The following AKAP19 variants were observed in gnomAD, a reference collection of about 807,000 sequenced individuals.
AKAP19 encodes the protein small A-kinase anchoring protein.
At chr2:189,953,827 A>G in the AKAP19 span, among the ~76,000 whole-genome samples, 1 of 152,154 alleles carries the variant, frequency 6.6e-6, no homozygotes, top group African/African-American at 2.4e-5. Flanking sequence ...GAACCAAGAT[A>G]CAAACTTAAG....
chr2:189,972,614 G>C, the AKAP19 span, among the ~76,000 whole-genome samples: 19 of 152,170 alleles, frequency 1.2e-4, no homozygotes, highest in African/African-American at 4.3e-4. Flanking sequence ...CTATCCATGA[G>C]CATGGAATAT....
the AKAP19 span, among the ~76,000 whole-genome samples, chr2:189,972,508 A>G: frequency 6.6e-6 from 1 of 152,166 alleles, no homozygotes; most frequent in Non-Finnish European, 1.5e-5. Context: ...GTTTTTTCCA[A>G]TTCTGCAAAG....
chr2:190,010,101 G>A, the AKAP19 span, among the ~76,000 whole-genome samples: 2 of 152,136 alleles, frequency 1.3e-5, no homozygotes, highest in Non-Finnish European at 1.5e-5. Context: ...TTCACTCTTT[G>A]TAAGAAATAA....
chr2:189,885,168 T>G, the AKAP19 span, among the ~76,000 whole-genome samples: 2 of 152,184 alleles, frequency 1.3e-5, no homozygotes, highest in African/African-American at 4.8e-5. Flanking sequence ...TCCTCCACTC[T>G]CGAATCTGAG....
the AKAP19 span, among the ~76,000 whole-genome samples, chr2:190,164,227 A>G: frequency 3.0e-4 from 45 of 152,392 alleles, no homozygotes; most frequent in African/African-American, 1.1e-3. Context: ...ACAGTATGAT[A>G]AAAGTATGCC....
the AKAP19 span, among the ~76,000 whole-genome samples, chr2:190,061,843 A>G: frequency 6.6e-6 from 1 of 151,948 alleles, no homozygotes; most frequent in Non-Finnish European, 1.5e-5. Flanking sequence ...TTATTAGTGA[A>G]AAAAACTTAT....
At chr2:190,158,259 A>G in the AKAP19 span, among the ~76,000 whole-genome samples, 57,540 of 152,100 alleles carry the variant, frequency 0.38, 12,725 homozygotes, top group East Asian at 0.73. Flanking sequence ...TCCCAGCTGA[A>G]TAAAGCCCTT....
chr2:189,928,351 G>A, the AKAP19 span, among the ~76,000 whole-genome samples: 1 of 151,998 alleles, frequency 6.6e-6, no homozygotes, highest in South Asian at 2.1e-4. Flanking sequence ...AGTTGGAGAA[G>A]CTTTTTTTAT....
the AKAP19 span, among the ~76,000 whole-genome samples, chr2:190,144,186 G>GA: frequency 0.89 from 130,043 of 145,304 alleles, 58,874 homozygotes; most frequent in East Asian, 0.99. Flanking sequence ...GAAAAGAAAA[G>GA]AAAAAAAATA....
At chr2:190,060,899 A>C in the AKAP19 span, among the ~76,000 whole-genome samples, 3 of 152,142 alleles carry the variant, frequency 2.0e-5, no homozygotes, top group East Asian at 5.8e-4. Context: ...CACACTGAGC[A>C]ACTTACTGAG....
chr2:190,004,192 G>A, the AKAP19 span, among the ~76,000 whole-genome samples: 1 of 151,994 alleles, frequency 6.6e-6, no homozygotes. Flanking sequence ...GTTAATGGGT[G>A]CAGCACACCA....
chr2:190,073,125 G>A, the AKAP19 span, among the ~76,000 whole-genome samples: 1 of 152,008 alleles, frequency 6.6e-6, no homozygotes, highest in Non-Finnish European at 1.5e-5. Flanking sequence ...TAAATTCAGA[G>A]GGAGAAAGAT....
the AKAP19 span, among the ~76,000 whole-genome samples, chr2:190,156,702 A>C: frequency 6.6e-6 from 1 of 152,208 alleles, no homozygotes; most frequent in African/African-American, 2.4e-5. Flanking sequence ...CAAATAAAAT[A>C]ACAACAATAT....
chr2:189,905,447 A>T, the AKAP19 span, among the ~76,000 whole-genome samples: 2 of 152,054 alleles, frequency 1.3e-5, no homozygotes, highest in Non-Finnish European at 2.9e-5. Flanking sequence ...CCTGCCACAC[A>T]CATTGAAGTC....
chr2:189,884,838 C>A, the AKAP19 span, among the ~76,000 whole-genome samples: 1 of 152,286 alleles, frequency 6.6e-6, no homozygotes, highest in South Asian at 2.1e-4. Flanking sequence ...CCAGCAAGTT[C>A]TCTGGTGATG....
the AKAP19 span, chr2:190,200,077 G>A: frequency 6.2e-7 from 1 of 1,614,052 alleles, no homozygotes; most frequent in Non-Finnish European, 8.5e-7. Context: ...CTTGTGTGAT[G>A]CCTTGCAGCA....
chr2:190,045,906 T>A, the AKAP19 span, among the ~76,000 whole-genome samples: 1 of 152,092 alleles, frequency 6.6e-6, no homozygotes, highest in African/African-American at 2.4e-5. Flanking sequence ...AGACTCCACA[T>A]AGCCGTGTCT....
chr2:190,004,537 A>G, the AKAP19 span, among the ~76,000 whole-genome samples: 6 of 148,428 alleles, frequency 4.0e-5, no homozygotes, highest in African/African-American at 1.2e-4. Flanking sequence ...CTTGAACACT[A>G]TTTTCTTCTT....
the AKAP19 span, among the ~76,000 whole-genome samples, chr2:190,125,043 G>A: frequency 6.6e-6 from 1 of 152,124 alleles, no homozygotes; most frequent in African/African-American, 2.4e-5. Flanking sequence ...CATCTCCTCT[G>A]ACAACATGCC....
Sources: allele counts gnomAD v4.1 joint callset (sites outside exome capture counted in the v4.1 genomes callset), GRCh38; gene constraint gnomAD v4.1.1; transcripts MANE v1.5; gene names NCBI Gene and HGNC (gene_info 2026-07-23, HGNC 2026-07-21).